Variants in BACE2 observed in about 807,000 individuals in gnomAD.
BACE2 encodes beta-secretase 2.
A neutral mutation model predicts 46.2 loss-of-function variants in BACE2; 17 were observed. That is an observed-to-expected ratio of 0.37 (90% CI 0.25 to 0.55). BACE2 has a LOEUF of 0.55. Among genes scored for constraint, BACE2 ranks in the 20% least tolerant of loss-of-function variants. The pLI is 0.82. For synonymous variants in BACE2, 277 were observed against 295.9 expected (o/e 0.94, Z 0.66); for missense variants, 595 against 698.1 (o/e 0.85, Z 1.66).
intron 2 of BACE2, among the ~76,000 whole-genome samples, chr21:41,234,863 C>G (rs905416994): frequency 6.6e-6 from 1 of 152,184 alleles, no homozygotes; most frequent in Non-Finnish European, 1.5e-5. Context: ...GCTCTAAGGA[C>G]CCTCTGTGGT....
intron 7 of BACE2, among the ~76,000 whole-genome samples, chr21:41,255,790 G>A (rs193167067): frequency 2.0e-4 from 30 of 152,070 alleles, no homozygotes; most frequent in Admixed American, 3.9e-4. Flanking sequence ...TGGGGAGTCC[G>A]CTCTACACAC....
At chr21:41,271,009 T>A (rs1341359328) in intron 8 of BACE2, among the ~76,000 whole-genome samples, 1 of 152,230 alleles carries the variant, frequency 6.6e-6, no homozygotes, top group Non-Finnish European at 1.5e-5. Context: ...ACATTAGGAT[T>A]TTTATGTCCT....
intron 1 of BACE2, chr21:41,183,706 G>A (rs1191583531): frequency 6.0e-6 from 1 of 167,156 alleles, no homozygotes; most frequent in African/African-American, 2.4e-5. Context: ...ACTGTGGAAA[G>A]CTGTCCTCTG....
rs73222297 is a variant in BACE2 at position 41,267,903 on chromosome 21, C to T, written c.1304-7468C>T. On this transcript the variant is annotated intron_variant, in intron 8 of 8. Coordinates refer to ENST00000330333, the MANE Select transcript of BACE2 (RefSeq NM_012105.5). The stretch of plus-strand genomic sequence containing the variant: ...TCTCAGTACCAGATAATCAGTGTGG[C>T]GGGACAGTTCTCATTATTTTGTATG... 9.7e-3 allele frequency among the ~76,000 whole-genome samples: 1,476 copies of T among 152,202 alleles called. 9 individuals are homozygous for T. The highest frequency in any genetic ancestry group is 0.015 in the Admixed American group (226 of 15,286).
chr21:41,197,368 A>G (rs1386741460), intron 1 of BACE2, among the ~76,000 whole-genome samples: 1 of 149,876 alleles, frequency 6.7e-6, no homozygotes, highest in East Asian at 2.0e-4. Flanking sequence ...GCTGACATTT[A>G]TGGTGTTAGC....
rs79509580 is a variant in BACE2, at chr21:41,183,060, A to G, written c.312+14485A>G. 9.6e-3 allele frequency: 1,607 copies of G among 166,904 alleles called. 27 individuals carry two copies. Among genetic ancestry groups the G allele is most frequent in the African/African-American group, 0.031 (1,301 of 41,566 alleles). The allele number at this position is 166,904 out of a possible 1,614,324, so 10.3% of individuals were successfully genotyped here. The stretch of plus-strand genomic sequence containing the variant: ...AGGAAGAAGTCATGAACTTCACACT[A>G]GACATTGTCATTCTATAACTGAGAA... On this transcript the variant is annotated intron_variant, in intron 1 of 8. Coordinates refer to ENST00000330333, the MANE Select transcript of BACE2 (RefSeq NM_012105.5).
At chr21:41,200,037 T>C (rs1251282860) in intron 1 of BACE2, among the ~76,000 whole-genome samples, 8 of 79,688 alleles carry the variant, frequency 1.0e-4, no homozygotes, top group African/African-American at 3.9e-4. Flanking sequence ...CAGGGCCTGT[T>C]GTGGGGTGGG....
chr21:41,230,015 A>G (rs1411997992), intron 2 of BACE2: 1 of 152,248 alleles, frequency 6.6e-6, no homozygotes, highest in African/African-American at 2.4e-5. Flanking sequence ...GGTTGGTTTC[A>G]CCCCATTGCC....
chr21:41,221,544 G>A (rs969322482), intron 1 of BACE2, among the ~76,000 whole-genome samples: 6 of 152,108 alleles, frequency 3.9e-5, no homozygotes, highest in Non-Finnish European at 4.4e-5. Context: ...TGTGAGTGTC[G>A]GCCGGGCGCG....
intron 2 of BACE2, among the ~76,000 whole-genome samples, chr21:41,229,932 C>T (rs1360517448): frequency 1.3e-5 from 2 of 152,250 alleles, no homozygotes; most frequent in Non-Finnish European, 2.9e-5. Flanking sequence ...ACTCAAGGTT[C>T]TGATCTGTTT....
intron 5 of BACE2, 29 bp from the exon 6 acceptor site, chr21:41,245,933 G>A (rs375195118): frequency 8.3e-5 from 130 of 1,561,054 alleles, no homozygotes; most frequent in African/African-American, 4.9e-4. Context: ...TGTCACTCAC[G>A]CACCTTTCCC....
chr21:41,273,378 C>G (rs1031519821), intron 8 of BACE2, among the ~76,000 whole-genome samples: 2 of 152,180 alleles, frequency 1.3e-5, no homozygotes, highest in African/African-American at 4.8e-5. Context: ...CATCCCTTAT[C>G]GGCAACCGTA....
chr21:41,169,445 A>G (rs1165191191), intron 1 of BACE2, among the ~76,000 whole-genome samples: 3 of 134,792 alleles, frequency 2.2e-5, no homozygotes, highest in Non-Finnish European at 4.9e-5. Flanking sequence ...AAGCACAGTG[A>G]TCTGAAAAAA....
intron 5 of BACE2, among the ~76,000 whole-genome samples, chr21:41,245,165 A>G (rs1199286102): frequency 1.3e-5 from 2 of 152,274 alleles, no homozygotes; most frequent in Non-Finnish European, 2.9e-5. Context: ...TGTGAAGAAT[A>G]CTAATACATT....
At chr21:41,185,692 T>C (rs1001326150) in intron 1 of BACE2, among the ~76,000 whole-genome samples, 5 of 152,240 alleles carry the variant, frequency 3.3e-5, no homozygotes. Flanking sequence ...ATAATACCGA[T>C]GCTGAGAACC....
At chr21:41,246,454 A>G (rs1307028250) in intron 6 of BACE2, among the ~76,000 whole-genome samples, 3 of 152,194 alleles carry the variant, frequency 2.0e-5, no homozygotes, top group Admixed American at 6.5e-5. Flanking sequence ...TAATATAGCT[A>G]TGTTAGAGTA....
At chr21:41,273,050 C>T (rs2088449375) in intron 8 of BACE2, among the ~76,000 whole-genome samples, 1 of 152,112 alleles carries the variant, frequency 6.6e-6, no homozygotes, top group Non-Finnish European at 1.5e-5. Context: ...GTTCGTGATG[C>T]CCCCTGAGCT....
At chr21:41,263,433 C>A (rs1568892430) in intron 8 of BACE2, among the ~76,000 whole-genome samples, 1 of 152,156 alleles carries the variant, frequency 6.6e-6, no homozygotes, top group Non-Finnish European at 1.5e-5. Flanking sequence ...AGAAACATCC[C>A]AAAAGTCAAC....
chr21:41,223,082 A>G (rs1161296981), intron 1 of BACE2, among the ~76,000 whole-genome samples: 1 of 152,196 alleles, frequency 6.6e-6, no homozygotes. Context: ...GGCCAGGTGC[A>G]GTGGCTCATG....
Sources: allele counts gnomAD v4.1 joint callset (sites outside exome capture counted in the v4.1 genomes callset), GRCh38; gene constraint gnomAD v4.1.1; transcripts MANE v1.5; gene names NCBI Gene and HGNC (gene_info 2026-07-23, HGNC 2026-07-21).